CCDC83: variants seen among roughly 807,000 people sequenced by gnomAD.
CCDC83 encodes coiled-coil domain-containing protein 83.
A neutral mutation model predicts 50.1 loss-of-function variants in CCDC83; 54 were observed. The observed-to-expected ratio is 1.08, with a 90% CI of 0.87 to 1.35. The LOEUF (loss-of-function observed/expected upper bound fraction) is 1.35, where lower values mean the gene tolerates loss of function less well. Ranked by LOEUF, CCDC83 falls within the 40% of genes most tolerant of loss-of-function variation. CCDC83 has a pLI of 0.00. For synonymous variants in CCDC83, 161 were observed against 153.3 expected (o/e 1.05, Z -0.37); for missense variants, 518 against 473.9 (o/e 1.09, Z -0.86).
At chr11:85,878,942 A>G (rs2093283700) in intron 3 of CCDC83, among the ~76,000 whole-genome samples, 1 of 152,150 alleles carries the variant, frequency 6.6e-6, no homozygotes, top group South Asian at 2.1e-4. Context: ...GATGTTGAAT[A>G]TCTTTTCATG....
intron 6 of CCDC83, among the ~76,000 whole-genome samples, chr11:85,898,491 T>C (rs528099563): frequency 6.6e-6 from 1 of 152,364 alleles, no homozygotes; most frequent in African/African-American, 2.4e-5. Flanking sequence ...CTGAAACTAC[T>C]TGCTGTTAGA....
chr11:85,882,396 A>G, intron 3 of CCDC83, 117 bp from the exon 4 acceptor site: 1 of 890,332 alleles, frequency 1.1e-6, no homozygotes, highest in Non-Finnish European at 1.8e-6. Flanking sequence ...GTAGAAGTCC[A>G]GGCTTCCCAC....
intron 3 of CCDC83, among the ~76,000 whole-genome samples, chr11:85,880,353 T>C (rs1426402061): frequency 6.6e-6 from 1 of 152,160 alleles, no homozygotes; most frequent in African/African-American, 2.4e-5. Flanking sequence ...GTGGCACAAT[T>C]ACGGCTCACT....
chr11:85,884,094 G>A (rs987656681), intron 4 of CCDC83, among the ~76,000 whole-genome samples: 7 of 152,188 alleles, frequency 4.6e-5, no homozygotes, highest in African/African-American at 1.7e-4. Flanking sequence ...CTAAAGGAAT[G>A]GGCCCAGTTA....
intron 3 of CCDC83, among the ~76,000 whole-genome samples, chr11:85,873,697 A>C (rs2093253256): frequency 6.6e-6 from 1 of 152,204 alleles, no homozygotes; most frequent in African/African-American, 2.4e-5. Context: ...ACCATTTGAA[A>C]AGCACAATCT....
At chr11:85,899,228 T>A (rs2093389532) in intron 7 of CCDC83, among the ~76,000 whole-genome samples, 1 of 152,250 alleles carries the variant, frequency 6.6e-6, no homozygotes, top group Admixed American at 6.5e-5. Context: ...TTGGGGTTTA[T>A]AATTCACACA....
intron 3 of CCDC83, among the ~76,000 whole-genome samples, chr11:85,878,263 G>A (rs1028232620): frequency 6.6e-6 from 1 of 152,112 alleles, no homozygotes; most frequent in Non-Finnish European, 1.5e-5. Flanking sequence ...AGTTTAACAT[G>A]GAAAGTCAAG....
intron 3 of CCDC83, among the ~76,000 whole-genome samples, chr11:85,878,966 C>T (rs1206631744): frequency 6.6e-6 from 1 of 152,036 alleles, no homozygotes; most frequent in Non-Finnish European, 1.5e-5. Flanking sequence ...CTGTCTTTTG[C>T]TAATTTTATA....
At chr11:85,876,432 A>G (rs144281954) in intron 3 of CCDC83, among the ~76,000 whole-genome samples, 208 of 152,296 alleles carry the variant, frequency 1.4e-3, no homozygotes, top group African/African-American at 4.7e-3. Context: ...GTTATGTGGA[A>G]TCTTATCACT....
chr11:85,867,131 T>C (rs1433291862), intron 2 of CCDC83, among the ~76,000 whole-genome samples: 4 of 152,104 alleles, frequency 2.6e-5, no homozygotes, highest in South Asian at 2.1e-4. Context: ...TTATAGCTCA[T>C]TGCAGTATCA....
intron 2 of CCDC83, among the ~76,000 whole-genome samples, chr11:85,872,348 G>A (rs769855719): frequency 1.3e-5 from 2 of 152,146 alleles, no homozygotes; most frequent in Non-Finnish European, 1.5e-5. Context: ...AGCCGGGTGT[G>A]GGGGCAGGCG....
At chr11:85,917,928 G>T (rs959383675) in intron 10 of CCDC83, 10 of 152,170 alleles carry the variant, frequency 6.6e-5, no homozygotes, top group African/African-American at 2.4e-4. Context: ...AGTTTTTGAT[G>T]TAGTCAAACT....
chr11:85,919,704 A>G lies in CCDC83; in HGVS notation c.*194A>G. On this transcript the variant is annotated 3_prime_UTR_variant, in exon 11 of 11. Transcript: ENST00000342404. ...TGCATGGTATGAGTGACCAAAACGG[A>G]AGCACGCTTTGTATTTCTACACTGA... 1.9e-6 allele frequency: 1 copy of G among 537,982 alleles called. No homozygotes were observed. The highest frequency in any genetic ancestry group is 3.3e-6 in the Non-Finnish European group (1 of 307,322). 33.3% of individuals were successfully genotyped at this position (537,982 alleles called of 1,614,324 possible). A position where few individuals can be genotyped will look rare whatever the true frequency, so the allele number is the denominator to read the frequency against.
intron 8 of CCDC83, chr11:85,912,497 T>G (rs973970269): frequency 6.1e-6 from 4 of 653,382 alleles, no homozygotes; most frequent in Admixed American, 2.3e-5. Flanking sequence ...TAGATACCAA[T>G]ATAGATGAGG....
At position 85,919,453 on chromosome 11, in the gene CCDC83, A is replaced by C; in HGVS notation, c.1185A>C (p.Lys395Asn). ...AGGAAATTCCAGTCAAACTCTATAA[A>C]GATGTCAGGAGCCCAGAAAGCCACA... ...QEKEIPVKLYKDVRSPESHIT... is the reference protein window; with the variant it reads ...QEKEIPVKLYNDVRSPESHIT... The change falls in exon 11 of 11, where the codon AAA becomes AAC. Residue 395 changes from lysine (K) to asparagine (N), a missense_variant. Physicochemically the swap from Lys to Asn is moderately conservative, Grantham distance 94. Transcript: ENST00000342404. 6.2e-7 allele frequency: 1 copy of C among 1,612,756 alleles called. No individual in the cohort carries two copies. Among genetic ancestry groups the C allele is most frequent in the Non-Finnish European group, 8.5e-7 (1 of 1,179,168 alleles).
At chr11:85,919,303 T>G (rs1314012344) in intron 10 of CCDC83, 46 bp from the exon 11 acceptor site, 4 of 1,523,778 alleles carry the variant, frequency 2.6e-6, no homozygotes, top group Middle Eastern at 1.7e-4. Context: ...AGCTGGTAAT[T>G]TGCTGAATCA....
At chr11:85,917,396 C>T (rs1231834124) in intron 10 of CCDC83, among the ~76,000 whole-genome samples, 3 of 152,066 alleles carry the variant, frequency 2.0e-5, no homozygotes, top group African/African-American at 4.8e-5. Flanking sequence ...AAAGTTCCAT[C>T]CAAGGGGAAG....
chr11:85,868,804 G>A (rs1353847266), intron 2 of CCDC83, among the ~76,000 whole-genome samples: 3 of 152,336 alleles, frequency 2.0e-5, no homozygotes, highest in East Asian at 1.9e-4. Context: ...GAGCCACTGC[G>A]CCCAGCCCAG....
intron 6 of CCDC83, among the ~76,000 whole-genome samples, chr11:85,898,331 G>T (rs1307117432): frequency 6.6e-6 from 1 of 152,054 alleles, no homozygotes; most frequent in Non-Finnish European, 1.5e-5. Flanking sequence ...ATCTCGCAGA[G>T]AAATACAGTT....
Sources: gnomAD v4.1 joint callset for allele counts (sites outside exome capture counted in the v4.1 genomes callset) on GRCh38, gnomAD v4.1.1 for gene constraint, MANE v1.5 for transcripts, NCBI Gene and HGNC (gene_info 2026-07-23, HGNC 2026-07-21) for gene names.